Variants in CLSTN1 observed in about 807,000 individuals in gnomAD.
The protein encoded by CLSTN1 is calsyntenin-1.
In CLSTN1, 28 loss-of-function variants were observed where a neutral mutation model predicts 108.3. That is an observed-to-expected ratio of 0.26 (90% CI 0.19 to 0.35). The LOEUF (loss-of-function observed/expected upper bound fraction) is 0.35. CLSTN1 is among the 10% of genes least tolerant of loss of function. The probability of loss-of-function intolerance (pLI) is 1.00; values close to 1 mark genes in which losing one functional copy is unlikely to be tolerated. For synonymous variants in CLSTN1, 524 were observed against 534.9 expected (o/e 0.98, Z 0.28); for missense variants, 1,157 against 1,302.6 (o/e 0.89, Z 1.72).
chr1:9,744,311 C>T, intron 8 of CLSTN1, 84 bp downstream of exon 8: 1 of 1,519,646 alleles, frequency 6.6e-7, no homozygotes, highest in East Asian at 2.3e-5. Flanking sequence ...GCAGGGGACC[C>T]TGGGAAAGGA....
chr1:9,732,157 T>C (rs189466829), intron 16 of CLSTN1, among the ~76,000 whole-genome samples: 120 of 152,298 alleles, frequency 7.9e-4, no homozygotes, highest in African/African-American at 2.8e-3. Flanking sequence ...AATCTAATAT[T>C]CTCACACATT....
At chr1:9,815,994 A>G (rs905646562) in intron 1 of CLSTN1, among the ~76,000 whole-genome samples, 1 of 152,174 alleles carries the variant, frequency 6.6e-6, no homozygotes, top group Non-Finnish European at 1.5e-5. Flanking sequence ...AGACCCAACA[A>G]TTCCACTTGG....
At chr1:9,782,138 G>A (rs927163547) in intron 1 of CLSTN1, among the ~76,000 whole-genome samples, 3 of 152,020 alleles carry the variant, frequency 2.0e-5, no homozygotes, top group African/African-American at 7.3e-5. Flanking sequence ...ACAGTTTGTT[G>A]GGCAGCTAAT....
At chr1:9,777,663 G>A (rs184376065) in intron 1 of CLSTN1, among the ~76,000 whole-genome samples, 2 of 152,166 alleles carry the variant, frequency 1.3e-5, no homozygotes, top group South Asian at 2.1e-4. Flanking sequence ...TAAGAAGAGT[G>A]GCAACAGTTT....
chr1:9,816,350 G>C (rs1009935620), intron 1 of CLSTN1, among the ~76,000 whole-genome samples: 3 of 152,188 alleles, frequency 2.0e-5, no homozygotes, highest in Non-Finnish European at 2.9e-5. Context: ...GGGAGGAGGA[G>C]AGGAGGAGGG....
rs558341930 is a variant in CLSTN1, at chr1:9,797,320, G to C, written c.92-23926C>G. Among the ~76,000 whole-genome samples the C allele has an allele frequency of 7.9e-4, 120 of 152,196 alleles. 1 individual carries two copies. The Middle Eastern group carries it at 0.02, about 26-fold the overall frequency. The stretch of plus-strand genomic sequence containing the variant: ...AAAGGTGGGGAGAGGAAGGGGAAGT[G>C]GGGGAGGGAGAGGGTAGAAAGAAAA... On this transcript the variant is annotated intron_variant, in intron 1 of 18. Coordinates refer to ENST00000377298, the MANE Select transcript of CLSTN1 (RefSeq NM_001009566.3).
intron 1 of CLSTN1, among the ~76,000 whole-genome samples, chr1:9,809,394 T>C (rs901182044): frequency 2.0e-5 from 3 of 152,190 alleles, no homozygotes; most frequent in African/African-American, 4.8e-5. Context: ...CACACCACTC[T>C]GCACCGTGCA....
intron 1 of CLSTN1, chr1:9,780,693 T>C (rs1465833319): frequency 2.6e-5 from 4 of 152,806 alleles, no homozygotes; most frequent in Non-Finnish European, 4.4e-5. Flanking sequence ...GTTTCTGTCA[T>C]CATCACAAAA....
At chr1:9,813,432 G>A (rs1654847474) in intron 1 of CLSTN1, among the ~76,000 whole-genome samples, 1 of 151,692 alleles carries the variant, frequency 6.6e-6, no homozygotes. Flanking sequence ...CCTGAAGGCG[G>A]AGGTTGCAGT....
rs370874432 is a variant in CLSTN1 at position 9,734,116 on chromosome 1, T to A, written c.2137A>T (p.Ile713Phe). Reference protein sequence around the residue: ...TVQESLVSEEIVHDLDTCEVT... With the variant: ...TVQESLVSEEFVHDLDTCEVT... The stretch of plus-strand genomic sequence containing the variant: ...TCACAGGTATCCAGGTCGTGCACGA[T>A]CTCCTCGGACACCAGTGATTCTTGA... Residue 713 changes from isoleucine (I) to phenylalanine (F), a missense_variant, in exon 15 of 19, where the codon ATC (isoleucine) becomes TTC (phenylalanine). Physicochemically the swap from Ile to Phe is conservative, Grantham distance 21. Coordinates refer to ENST00000377298, the MANE Select transcript of CLSTN1 (RefSeq NM_001009566.3). This position sits in a 1 kb window ranked among gnomAD's most constrained non-coding sequence, Gnocchi z 4.8. 2.5e-5 allele frequency: 41 copies of A among 1,613,746 alleles called. No homozygotes were observed. The highest frequency in any genetic ancestry group is 3.4e-5 in the Non-Finnish European group (40 of 1,179,970).
chr1:9,760,845 A>G lies in CLSTN1; in HGVS notation c.215-4335T>C, dbSNP rs115619910. ...CGCCCGCCCCAGTTCATGGTAGTCA[A>G]ATGCATGCTACGGCACCATCACATA... On this transcript the variant is annotated intron_variant, in intron 2 of 18. Coordinates refer to ENST00000377298, the MANE Select transcript of CLSTN1 (RefSeq NM_001009566.3). 4.8e-3 allele frequency among the ~76,000 whole-genome samples: 726 copies of G among 151,834 alleles called. 3 individuals are homozygous for G. Among genetic ancestry groups the G allele is most frequent in the African/African-American group, 0.016 (652 of 41,420 alleles).
At position 9,734,248 on chromosome 1, in the gene CLSTN1, G is replaced by C; in HGVS notation, c.2111-106C>G. 8.9e-7 allele frequency: 1 copy of C among 1,119,808 alleles called. No homozygotes were observed. Among genetic ancestry groups the C allele is most frequent in the Non-Finnish European group, 1.3e-6 (1 of 772,614 alleles). 69.4% of individuals were successfully genotyped at this position (1,119,808 alleles called of 1,614,324 possible). On this transcript the variant is annotated intron_variant, in intron 14 of 18. Coordinates refer to ENST00000377298, the MANE Select transcript of CLSTN1 (RefSeq NM_001009566.3). This position sits in a 1 kb window ranked among gnomAD's most constrained non-coding sequence, Gnocchi z 4.8. ...CTCACCCCAAACCTACATGGCTCTC[G>C]TAAGGACCAACGACAGAAGCAAGCG...
chr1:9,805,317 C>A (rs1406228070), intron 1 of CLSTN1, among the ~76,000 whole-genome samples: 1 of 152,138 alleles, frequency 6.6e-6, no homozygotes, highest in Non-Finnish European at 1.5e-5. Flanking sequence ...TCAATGACTG[C>A]CCTAGAGCAG....
At position 9,756,046 on chromosome 1, in the gene CLSTN1, T is replaced by A. The variant is rs979277410; in HGVS notation, c.244+435A>T. ...ACACCAGCCTGGGAACTTCTCTACATCTAAATTGGCTCACAACTTAATTAG... is the reference window on the plus strand; with the variant it reads ...ACACCAGCCTGGGAACTTCTCTACAACTAAATTGGCTCACAACTTAATTAG... On this transcript the variant is annotated intron_variant, in intron 3 of 18. Coordinates refer to ENST00000377298, the MANE Select transcript of CLSTN1 (RefSeq NM_001009566.3). 3.3e-5 allele frequency among the ~76,000 whole-genome samples: 5 copies of A among 152,306 alleles called. No individual in the cohort carries two copies. In the South Asian group the frequency reaches 1.0e-3, roughly 32 times the overall value.
chr1:9,784,747 T>G (rs1245580041), intron 1 of CLSTN1, among the ~76,000 whole-genome samples: 1 of 152,192 alleles, frequency 6.6e-6, no homozygotes, highest in Admixed American at 6.5e-5. Context: ...ACAGGTGCCC[T>G]TGCATGCTCC....
chr1:9,746,883 A>G (rs1226906626), intron 7 of CLSTN1, among the ~76,000 whole-genome samples: 1 of 152,064 alleles, frequency 6.6e-6, no homozygotes, highest in Non-Finnish European at 1.5e-5. Flanking sequence ...ACACACATAG[A>G]AGTACCTGGA....
At chr1:9,794,033 T>A (rs1164770274) in intron 1 of CLSTN1, among the ~76,000 whole-genome samples, 2 of 151,446 alleles carry the variant, frequency 1.3e-5, no homozygotes, top group Non-Finnish European at 2.9e-5. Context: ...ACACTGGCCA[T>A]TTAGTTCAAT....
chr1:9,735,876 C>G lies in CLSTN1; in HGVS notation c.1734+9G>C, dbSNP rs768606991. The G allele has an allele frequency of 5.0e-6, 8 of 1,613,910 alleles. No individual in the cohort carries two copies. The East Asian group carries it at 8.9e-5, about 18-fold the overall frequency. On this transcript the variant is annotated intron_variant, in intron 12 of 18. Coordinates refer to ENST00000377298, the MANE Select transcript of CLSTN1 (RefSeq NM_001009566.3). ...CATGAGTGGTGTGCAGTCGAGCGCTCGGTGTTACCTGCACGCCTCTGCCAC... is the reference window on the plus strand; with the variant it reads ...CATGAGTGGTGTGCAGTCGAGCGCTGGGTGTTACCTGCACGCCTCTGCCAC...
At chr1:9,784,229 G>A (rs1653379182) in intron 1 of CLSTN1, among the ~76,000 whole-genome samples, 1 of 151,244 alleles carries the variant, frequency 6.6e-6, no homozygotes, top group Non-Finnish European at 1.5e-5. Flanking sequence ...TGTAACCCCA[G>A]CTACTCGGAA....
Sources: allele counts gnomAD v4.1 joint callset (sites outside exome capture counted in the v4.1 genomes callset), GRCh38; gene constraint gnomAD v4.1.1; non-coding constraint Gnocchi (gnomAD v3.1); transcripts MANE v1.5; gene names NCBI Gene and HGNC (gene_info 2026-07-23, HGNC 2026-07-21).